Variants in PCDHA3 observed in about 807,000 individuals in gnomAD.
PCDHA3 encodes the protein protocadherin alpha 3.
In PCDHA3, 41 loss-of-function variants were observed where a neutral mutation model predicts 62.2. The ratio of observed to expected loss-of-function variants is 0.66; its 90% confidence interval spans 0.51 to 0.86. The LOEUF is 0.86. PCDHA3 is among the 40% of genes least tolerant of loss of function. The pLI is 0.00. For missense variants in PCDHA3, 1,304 were observed against 1,241.2 expected (o/e 1.05, Z -0.76); for synonymous variants, 640 against 555.4 (o/e 1.15, Z -2.14).
chr5:140,966,932 G>T, intron 1 of PCDHA3: 2 of 1,603,726 alleles, frequency 1.2e-6, no homozygotes, highest in Non-Finnish European at 1.7e-6. Context: ...GGCACCCGGC[G>T]CGCTCGTGGG....
chr5:140,997,864 C>A (rs2097788719), intron 3 of PCDHA3, among the ~76,000 whole-genome samples: 1 of 152,100 alleles, frequency 6.6e-6, no homozygotes, highest in South Asian at 2.1e-4. Context: ...ATTTCTTATG[C>A]ATGCTTGCTA....
intron 1 of PCDHA3, chr5:140,863,708 A>G: frequency 3.5e-6 from 1 of 284,690 alleles, no homozygotes; most frequent in Non-Finnish European, 6.9e-6. Flanking sequence ...TTTAAAGTAC[A>G]CTGGGGCCGG....
chr5:140,870,957 C>T, intron 1 of PCDHA3: 1 of 1,613,704 alleles, frequency 6.2e-7, no homozygotes, highest in Non-Finnish European at 8.5e-7. Context: ...GCGGCTCGCG[C>T]ATCCCGTTCC....
intron 1 of PCDHA3, chr5:140,883,596 TG>T (rs1562791192): frequency 7.4e-6 from 12 of 1,613,794 alleles, no homozygotes; most frequent in Non-Finnish European, 1.0e-5. Context: ...AGCGTGTCGG[TG>T]GGGGTGGCCG....
At chr5:140,964,941 G>A (rs1223587543) in intron 1 of PCDHA3, among the ~76,000 whole-genome samples, 1 of 152,242 alleles carries the variant, frequency 6.6e-6, no homozygotes, top group African/African-American at 2.4e-5. Context: ...AGCATTGATA[G>A]TGAGTGTGCT....
intron 3 of PCDHA3, among the ~76,000 whole-genome samples, chr5:140,997,260 T>G (rs1364203100): frequency 6.6e-6 from 1 of 152,196 alleles, no homozygotes; most frequent in Admixed American, 6.5e-5. Flanking sequence ...GGTTCACTCT[T>G]CCAAATATTT....
At chr5:140,912,310 A>T (rs936183695) in intron 1 of PCDHA3, among the ~76,000 whole-genome samples, 1 of 151,764 alleles carries the variant, frequency 6.6e-6, no homozygotes, top group African/African-American at 2.4e-5. Flanking sequence ...AATCCAGTCA[A>T]GTTGACCCTC....
intron 3 of PCDHA3, among the ~76,000 whole-genome samples, chr5:141,000,412 TATATA>T (rs2097919858): frequency 7.8e-5 from 8 of 102,770 alleles, no homozygotes; most frequent in African/African-American, 2.3e-4. Flanking sequence ...TATATATATA[TATATA>T]TATATTTTTT....
At chr5:140,891,708 C>T (rs1422243783) in intron 1 of PCDHA3, among the ~76,000 whole-genome samples, 1 of 152,066 alleles carries the variant, frequency 6.6e-6, no homozygotes, top group Admixed American at 6.6e-5. Context: ...TGAATTTGTA[C>T]CCCCAAATTC....
chr5:140,877,582 A>G, intron 1 of PCDHA3: 1 of 1,613,772 alleles, frequency 6.2e-7, no homozygotes, highest in East Asian at 2.2e-5. Context: ...CATCATCGCC[A>G]TCTGTGCGGT....
intron 1 of PCDHA3, among the ~76,000 whole-genome samples, chr5:140,948,646 G>T (rs1030231985): frequency 6.6e-6 from 1 of 151,616 alleles, no homozygotes; most frequent in South Asian, 2.1e-4. Context: ...ATCTTTTAAC[G>T]TCTGTATAAT....
At chr5:140,882,531 C>A (rs781969592) in intron 1 of PCDHA3, 2 of 1,614,218 alleles carry the variant, frequency 1.2e-6, no homozygotes, top group Non-Finnish European at 1.7e-6. Context: ...TTTGTGAATT[C>A]TCGGATCGAC....
intron 1 of PCDHA3, chr5:140,813,174 C>G (rs1554126132): frequency 6.6e-6 from 1 of 152,144 alleles, no homozygotes; most frequent in Admixed American, 6.6e-5. Flanking sequence ...TAGTGTTGTT[C>G]AAGTCCTCTG....
chr5:140,916,161 GC>G (rs2077457967), intron 1 of PCDHA3, among the ~76,000 whole-genome samples: 1 of 152,084 alleles, frequency 6.6e-6, no homozygotes, highest in African/African-American at 2.4e-5. Flanking sequence ...GGTGAATGCT[GC>G]CAGGCCTGGG....
intron 1 of PCDHA3, chr5:140,851,142 C>T: frequency 7.6e-7 from 1 of 1,309,246 alleles, no homozygotes; most frequent in Non-Finnish European, 9.9e-7. Flanking sequence ...ATTAAAGTGA[C>T]ATTGAATTTC....
intron 1 of PCDHA3, chr5:140,850,491 C>T (rs2150486292): frequency 1.3e-6 from 2 of 1,597,970 alleles, no homozygotes; most frequent in South Asian, 1.1e-5. Flanking sequence ...GGCCACTGTG[C>T]TGGTGTCGCT....
At chr5:140,809,016 A>T (rs1764333762) in intron 1 of PCDHA3, 14 of 1,613,580 alleles carry the variant, frequency 8.7e-6, no homozygotes, top group Admixed American at 1.7e-5. Context: ...CTTTCGTACG[A>T]GCTGCAGCCG....
chr5:140,930,338 A>T (rs2086745230), intron 1 of PCDHA3: 1 of 152,214 alleles, frequency 6.6e-6, no homozygotes, highest in African/African-American at 2.4e-5. Flanking sequence ...AATGAAAGTT[A>T]AGTGATTCAA....
At chr5:140,880,242 G>A (rs549683370) in intron 1 of PCDHA3, among the ~76,000 whole-genome samples, 22 of 150,572 alleles carry the variant, frequency 1.5e-4, no homozygotes, top group Admixed American at 7.2e-4. Context: ...GTGTATGTGC[G>A]TGTGTGTATG....
Sources: allele counts gnomAD v4.1 joint callset (sites outside exome capture counted in the v4.1 genomes callset), GRCh38; gene constraint gnomAD v4.1.1; transcripts MANE v1.5; gene names NCBI Gene and HGNC (gene_info 2026-07-23, HGNC 2026-07-21).